The following PARD3B variants were observed in gnomAD, a reference collection of about 807,000 sequenced individuals.
The protein encoded by PARD3B is par-3 family cell polarity regulator beta.
In PARD3B, 103 loss-of-function variants were observed where a neutral mutation model predicts 130.2. That is an observed-to-expected ratio of 0.79 (90% CI 0.67 to 0.93). The LOEUF (loss-of-function observed/expected upper bound fraction) is 0.93. Among genes scored for constraint, PARD3B ranks in the 40% least tolerant of loss-of-function variants. PARD3B has a pLI of 0.00. For missense variants in PARD3B, 1,609 were observed against 1,499.2 expected, an observed-to-expected ratio of 1.07 and a Z score of -1.21; for synonymous variants, 583 against 553.2, an observed-to-expected ratio of 1.05 and a Z score of -0.76.
intron 4 of PARD3B, among the ~76,000 whole-genome samples, chr2:205,049,273 G>A (rs1465305323): frequency 6.6e-6 from 1 of 152,138 alleles, no homozygotes; most frequent in Non-Finnish European, 1.5e-5. Context: ...GAGGCTTCTG[G>A]AAACTTAAAA....
At chr2:205,403,290 A>G (rs376691787) in intron 19 of PARD3B, among the ~76,000 whole-genome samples, 35 of 152,230 alleles carry the variant, frequency 2.3e-4, no homozygotes, top group African/African-American at 6.8e-4. Flanking sequence ...AATAAAATAT[A>G]TACCATAAAG....
intron 2 of PARD3B, among the ~76,000 whole-genome samples, chr2:204,904,145 T>C (rs1051352172): frequency 6.6e-6 from 1 of 152,242 alleles, no homozygotes; most frequent in Admixed American, 6.5e-5. Flanking sequence ...AATTCAATAT[T>C]ACTCTTTGTT....
At chr2:205,427,633 A>G (rs1411493105) in intron 19 of PARD3B, among the ~76,000 whole-genome samples, 2 of 152,184 alleles carry the variant, frequency 1.3e-5, no homozygotes, top group African/African-American at 4.8e-5. Context: ...GTTATATTGC[A>G]TGGGATGGAG....
intron 1 of PARD3B, among the ~76,000 whole-genome samples, chr2:204,613,602 T>G (rs979435363): frequency 2.9e-4 from 44 of 152,114 alleles, no homozygotes; most frequent in African/African-American, 9.9e-4. Context: ...GCCACCTATT[T>G]TCCCTTTCTT....
chr2:205,005,871 C>A (rs1001083346), intron 3 of PARD3B, among the ~76,000 whole-genome samples: 10 of 152,130 alleles, frequency 6.6e-5, no homozygotes, highest in African/African-American at 2.4e-4. Flanking sequence ...ATAGATAAGT[C>A]CTTTAATGGT....
At chr2:205,104,037 T>A (rs1283402745) in intron 4 of PARD3B, among the ~76,000 whole-genome samples, 1 of 152,150 alleles carries the variant, frequency 6.6e-6, no homozygotes, top group Non-Finnish European at 1.5e-5. Context: ...TATTTTAATG[T>A]TGTGAGGGGC....
At chr2:205,089,908 C>A (rs1701997846) in intron 4 of PARD3B, among the ~76,000 whole-genome samples, 1 of 152,186 alleles carries the variant, frequency 6.6e-6, no homozygotes. Context: ...TTCTATAGAA[C>A]TATCATTTTT....
At chr2:205,439,797 A>G (rs550779182) in intron 19 of PARD3B, among the ~76,000 whole-genome samples, 1 of 152,340 alleles carries the variant, frequency 6.6e-6, no homozygotes, top group Non-Finnish European at 1.5e-5. Context: ...CCCCATTTGT[A>G]TAACCAAAAA....
chr2:204,856,179 T>G (rs1037183274), intron 2 of PARD3B, among the ~76,000 whole-genome samples: 7 of 152,182 alleles, frequency 4.6e-5, no homozygotes, highest in African/African-American at 1.7e-4. Context: ...TACACAAAGG[T>G]TGCCTTTCCT....
chr2:205,499,775 T>C, intron 20 of PARD3B, 121 bp from the exon 21 acceptor site: 1 of 1,167,624 alleles, frequency 8.6e-7, no homozygotes, highest in Non-Finnish European at 1.2e-6. Flanking sequence ...TCCTGGCATA[T>C]TTGAATTACA....
intron 20 of PARD3B, among the ~76,000 whole-genome samples, chr2:205,441,202 A>G (rs12987084): frequency 0.1 from 15,168 of 152,192 alleles, 1,087 homozygotes; most frequent in African/African-American, 0.21. Context: ...AGGTAGAAAA[A>G]GAAATAATCT....
intron 2 of PARD3B, among the ~76,000 whole-genome samples, chr2:204,915,613 T>A (rs989122603): frequency 3.9e-5 from 6 of 152,162 alleles, no homozygotes; most frequent in East Asian, 3.8e-4. Flanking sequence ...GGAAAAAACC[T>A]ACAAGTAAAC....
chr2:205,180,442 G>T (rs565259465), intron 13 of PARD3B, among the ~76,000 whole-genome samples: 2 of 151,994 alleles, frequency 1.3e-5, no homozygotes, highest in East Asian at 3.9e-4. Flanking sequence ...CATGTCAGGT[G>T]GTAACAGGCC....
chr2:205,286,942 G>T (rs894920697), intron 16 of PARD3B, among the ~76,000 whole-genome samples: 2 of 152,202 alleles, frequency 1.3e-5, no homozygotes, highest in African/African-American at 2.4e-5. Flanking sequence ...TATTACTAAT[G>T]ATCTGAAGAA....
intron 10 of PARD3B, among the ~76,000 whole-genome samples, chr2:205,129,745 G>A (rs928876774): frequency 6.6e-5 from 10 of 152,214 alleles, no homozygotes; most frequent in African/African-American, 1.4e-4. Flanking sequence ...CCTTGTTATC[G>A]TTAGCTTCTT....
Position 205,011,283 on chromosome 2 carries a change from G to T in PARD3B, c.395-36298G>T, listed in dbSNP as rs373519816. Among the ~76,000 whole-genome samples, 220 of 152,328 alleles carry T rather than the reference G, an allele frequency of 1.4e-3. 1 individual carries two copies. Among genetic ancestry groups the T allele is most frequent in the African/African-American group, 4.9e-3 (204 of 41,584 alleles). ...GATTCTGGCTCGGGGTTTCCCAAGA[G>T]TCTGTAGCCAAGCTGTCATCTCAAG... On this transcript the variant is annotated intron_variant, in intron 3 of 22. Coordinates refer to ENST00000406610, the MANE Select transcript of PARD3B (RefSeq NM_001302769.2). This position sits in a 1 kb window ranked among gnomAD's most constrained non-coding sequence, Gnocchi z 4.1.
At chr2:205,481,333 A>G (rs1043263367) in intron 20 of PARD3B, among the ~76,000 whole-genome samples, 31 of 152,146 alleles carry the variant, frequency 2.0e-4, no homozygotes, top group African/African-American at 7.5e-4. Context: ...GAAGGAAAGC[A>G]GGAGGCTGGG....
intron 3 of PARD3B, among the ~76,000 whole-genome samples, chr2:205,023,857 T>A (rs1696815753): frequency 6.6e-6 from 1 of 152,128 alleles, no homozygotes; most frequent in Admixed American, 6.6e-5. Context: ...GCTCCAGATC[T>A]TGACTCTGGT....
chr2:205,331,219 A>C (rs1417545251), intron 18 of PARD3B, among the ~76,000 whole-genome samples: 3 of 151,404 alleles, frequency 2.0e-5, no homozygotes, highest in African/African-American at 7.3e-5. Context: ...TGTGCATACA[A>C]ACGTTCACAG....
Sources: gnomAD v4.1 joint callset for allele counts (sites outside exome capture counted in the v4.1 genomes callset) on GRCh38, gnomAD v4.1.1 for gene constraint, Gnocchi (gnomAD v3.1) non-coding constraint, MANE v1.5 for transcripts, NCBI Gene and HGNC (gene_info 2026-07-23, HGNC 2026-07-21) for gene names.